TENM3: variants seen among roughly 807,000 people sequenced by gnomAD.
TENM3 encodes teneurin transmembrane protein 3.
A neutral mutation model predicts 255.1 loss-of-function variants in TENM3; 63 were observed. That is an observed-to-expected ratio of 0.25 (90% confidence interval 0.20 to 0.30). The LOEUF is 0.30. TENM3 is among the 10% of genes least tolerant of loss of function. TENM3 has a pLI of 1.00. For missense variants in TENM3, 2,929 were observed against 3,461.1 expected (o/e 0.85, Z 3.86); for synonymous variants, 1,306 against 1,322.3 (o/e 0.99, Z 0.27).
the TENM3 span, among the ~76,000 whole-genome samples, chr4:181,902,946 A>G: frequency 1.4e-4 from 21 of 152,322 alleles, no homozygotes; most frequent in East Asian, 4.1e-3. Context: ...ATATTTAAGT[A>G]CGTTGTGTTT....
At chr4:181,506,518 T>C in the TENM3 span, among the ~76,000 whole-genome samples, 1 of 152,084 alleles carries the variant, frequency 6.6e-6, no homozygotes, top group Non-Finnish European at 1.5e-5. Flanking sequence ...AAGATATTCA[T>C]CATGGAGAAG....
the TENM3 span, among the ~76,000 whole-genome samples, chr4:181,806,334 A>G: frequency 6.6e-6 from 1 of 151,992 alleles, no homozygotes; most frequent in South Asian, 2.1e-4. Context: ...TCTGCCCTTT[A>G]TTTCCTCCTC....
At chr4:182,521,257 A>T (rs1580816838) in intron 3 of TENM3, among the ~76,000 whole-genome samples, 1 of 152,222 alleles carries the variant, frequency 6.6e-6, no homozygotes, top group Non-Finnish European at 1.5e-5. Flanking sequence ...CAGAGAAGCA[A>T]CTTGATGATA....
the TENM3 span, among the ~76,000 whole-genome samples, chr4:181,790,983 AAAACTGTGTAAAAGATGATT>A: frequency 6.6e-6 from 1 of 152,200 alleles, no homozygotes; most frequent in Non-Finnish European, 1.5e-5. Flanking sequence ...AGTTGTGGGC[AAAACTGTGTAAAAGATGATT>A]ACGGGCCATA....
chr4:182,754,710 G>A lies in TENM3; in HGVS notation c.4343G>A (p.Cys1448Tyr), dbSNP rs1561204049. The change falls in exon 22 of 28, where the codon TGT (cysteine) becomes TAT (tyrosine). Residue 1448 changes from cysteine to tyrosine, a missense_variant. Cys to Tyr is a radical substitution (Grantham distance 194, BLOSUM62 -2). Around this residue, in one of 6 missense-constraint regions of TENM3, gnomAD observed 1,608 missense variants for 1,884.4 expected, o/e 0.85. Transcript: ENST00000511685. This position sits in a 1 kb window ranked among gnomAD's most constrained non-coding sequence, Gnocchi z 5.1. The stretch of plus-strand genomic sequence containing the variant: ...TTAGTGGCCGGAATACCTTCAGAGT[G>A]TGACTGCAAAAATGATGCCAACTGT... ...ISLVAGIPSE[C>Y]DCKNDANCDC... 6.2e-7 allele frequency: 1 copy of A among 1,614,078 alleles called. No homozygotes were observed. The highest frequency in any genetic ancestry group is 8.5e-7 in the Non-Finnish European group (1 of 1,179,906).
chr4:182,447,270 T>C (rs1188742199), intron 3 of TENM3, among the ~76,000 whole-genome samples: 2 of 139,112 alleles, frequency 1.4e-5, no homozygotes, highest in Non-Finnish European at 3.1e-5. Context: ...GAGTTAGTGA[T>C]AGAAAAAAAA....
At chr4:181,741,694 C>T in the TENM3 span, among the ~76,000 whole-genome samples, 5,545 of 152,198 alleles carry the variant, frequency 0.036, 155 homozygotes, top group Middle Eastern at 0.12. Flanking sequence ...TCATTCATTA[C>T]GAAATGGGGC....
the TENM3 span, among the ~76,000 whole-genome samples, chr4:182,098,952 A>ATT: frequency 7.4e-6 from 1 of 135,720 alleles, no homozygotes; most frequent in African/African-American, 2.8e-5. Flanking sequence ...TATGTGCACA[A>ATT]CTCTTTTTTT....
the TENM3 span, among the ~76,000 whole-genome samples, chr4:181,559,961 A>G: frequency 2.6e-5 from 4 of 152,246 alleles, no homozygotes; most frequent in African/African-American, 9.6e-5. Context: ...TAAAACAGGA[A>G]TATAATTATT....
chr4:181,645,604 A>G, the TENM3 span, among the ~76,000 whole-genome samples: 5 of 152,216 alleles, frequency 3.3e-5, no homozygotes, highest in African/African-American at 1.2e-4. Context: ...AGGGGGAGTG[A>G]TGGAACCTCT....
In TENM3 at chr4:182,731,014, G is replaced by A. The variant is rs1328393585; in HGVS notation, c.2842G>A (p.Glu948Lys). 1 of 1,613,794 alleles carries A rather than the reference G, an allele frequency of 6.2e-7. No homozygotes were observed. The highest frequency in any genetic ancestry group is 2.2e-5 in the East Asian group (1 of 44,880). Residue 948 changes from glutamate to lysine, a missense_variant, in exon 16 of 28, where the codon GAG becomes AAG. Transcript: ENST00000511685. Reference sequence around the variant, plus strand: ...GGATACCCTAGTCATGAAGAAAGAAGAGAATGACATTCCCAGCTGTGATCT... The same window carrying A: ...GGATACCCTAGTCATGAAGAAAGAAAAGAATGACATTCCCAGCTGTGATCT... ...VMDTLVMKKEENDIPSCDLSG... is the reference protein window; with the variant it reads ...VMDTLVMKKEKNDIPSCDLSG...
chr4:182,161,710 C>CACAA (rs1226978171), intron 1 of TENM3, among the ~76,000 whole-genome samples: 1 of 25,080 alleles, frequency 4.0e-5, no homozygotes, highest in African/African-American at 2.0e-4. Flanking sequence ...TATATATATA[C>CACAA]ATATATATGT....
the TENM3 span, among the ~76,000 whole-genome samples, chr4:181,768,960 G>A: frequency 2.0e-5 from 3 of 151,812 alleles, no homozygotes; most frequent in Non-Finnish European, 4.4e-5. Context: ...GTGAACATTT[G>A]AAAGCTTTCA....
the TENM3 span, among the ~76,000 whole-genome samples, chr4:181,612,306 T>A: frequency 6.6e-6 from 1 of 152,198 alleles, no homozygotes; most frequent in Admixed American, 6.5e-5. Flanking sequence ...TATTTATATA[T>A]CTCTGATCCC....
the TENM3 span, among the ~76,000 whole-genome samples, chr4:181,540,139 G>A: frequency 4.6e-5 from 7 of 152,054 alleles, no homozygotes; most frequent in African/African-American, 7.2e-5. Context: ...CAGAACAGAC[G>A]CCATGATGAG....
the TENM3 span, among the ~76,000 whole-genome samples, chr4:181,931,057 T>A: frequency 6.6e-6 from 1 of 152,174 alleles, no homozygotes; most frequent in Non-Finnish European, 1.5e-5. Flanking sequence ...ACAGCCAATA[T>A]CATACTGAGT....
the TENM3 span, among the ~76,000 whole-genome samples, chr4:181,661,942 G>T: frequency 6.6e-6 from 1 of 150,504 alleles, no homozygotes; most frequent in Non-Finnish European, 1.5e-5. Flanking sequence ...TTCGGTTCTT[G>T]GGCTTGACCT....
the TENM3 span, among the ~76,000 whole-genome samples, chr4:182,071,495 G>A: frequency 6.7e-6 from 1 of 148,648 alleles, no homozygotes; most frequent in Non-Finnish European, 1.5e-5. Context: ...GCCCATGCTG[G>A]AGTGCAGTGG....
intron 3 of TENM3, among the ~76,000 whole-genome samples, chr4:182,516,008 C>T (rs1184300304): frequency 6.6e-6 from 1 of 152,184 alleles, no homozygotes; most frequent in Non-Finnish European, 1.5e-5. Context: ...ATTGTTGAGT[C>T]CAGGAGAAGA....
Sources: gnomAD v4.1 joint callset for allele counts (sites outside exome capture counted in the v4.1 genomes callset) on GRCh38, gnomAD v4.1.1 for gene constraint, gnomAD v4.1.1 regional missense constraint, Gnocchi (gnomAD v3.1) non-coding constraint, MANE v1.5 for transcripts, NCBI Gene and HGNC (gene_info 2026-07-23, HGNC 2026-07-21) for gene names.